Variants in CDH12 observed in about 807,000 individuals in gnomAD.
CDH12 encodes the protein cadherin 12.
In CDH12, 41 loss-of-function variants were observed where a neutral mutation model predicts 74.1. The ratio of observed to expected loss-of-function variants is 0.55; its 90% confidence interval spans 0.43 to 0.72. The LOEUF (loss-of-function observed/expected upper bound fraction) is 0.72, where lower values mean the gene tolerates loss of function less well. CDH12 is among the 30% of genes least tolerant of loss of function. The pLI is 0.00. For missense variants in CDH12, 945 were observed against 977.2 expected, an observed-to-expected ratio of 0.97 and a Z score of 0.44; for synonymous variants, 399 against 355.0, an observed-to-expected ratio of 1.12 and a Z score of -1.39.
intron 1 of CDH12, among the ~76,000 whole-genome samples, chr5:22,565,974 A>G (rs1471222708): frequency 1.3e-5 from 2 of 152,186 alleles, no homozygotes; most frequent in African/African-American, 4.8e-5. Flanking sequence ...CAACCATGGA[A>G]GCCGATTTCT....
intron 1 of CDH12, among the ~76,000 whole-genome samples, chr5:22,610,120 T>C (rs1259686372): frequency 2.0e-5 from 3 of 152,236 alleles, no homozygotes; most frequent in Non-Finnish European, 4.4e-5. Context: ...CAAACCTGTT[T>C]TGTTCAATGG....
intron 6 of CDH12, among the ~76,000 whole-genome samples, chr5:21,942,164 A>G (rs756331518): frequency 1.3e-5 from 2 of 152,024 alleles, no homozygotes; most frequent in Non-Finnish European, 2.9e-5. Flanking sequence ...AGTTGGAGAA[A>G]GGGGTTATAG....
At chr5:22,829,698 C>T (rs147673421) in intron 1 of CDH12, among the ~76,000 whole-genome samples, 45 of 152,250 alleles carry the variant, frequency 3.0e-4, no homozygotes, top group African/African-American at 9.9e-4. Context: ...ATACTTCTAC[C>T]CCAAGTAGTC....
chr5:22,722,453 A>G (rs1363538412), intron 1 of CDH12, among the ~76,000 whole-genome samples: 1 of 152,230 alleles, frequency 6.6e-6, no homozygotes, highest in African/African-American at 2.4e-5. Context: ...TAAGTTATAC[A>G]GTTAAAATTC....
At chr5:22,724,979 A>T (rs1744089004) in intron 1 of CDH12, among the ~76,000 whole-genome samples, 2 of 151,898 alleles carry the variant, frequency 1.3e-5, no homozygotes, top group South Asian at 4.1e-4. Flanking sequence ...CGTTTCCAGT[A>T]ATAGGAAATA....
intron 1 of CDH12, among the ~76,000 whole-genome samples, chr5:22,782,349 G>T (rs532826099): frequency 1.3e-5 from 2 of 152,100 alleles, no homozygotes; most frequent in Non-Finnish European, 2.9e-5. Context: ...GGATCATGGG[G>T]GTGGTTTCCC....
At chr5:22,759,674 A>AT (rs1746107148) in intron 1 of CDH12, among the ~76,000 whole-genome samples, 1 of 152,132 alleles carries the variant, frequency 6.6e-6, no homozygotes, top group African/African-American at 2.4e-5. Context: ...ATATCGGTCT[A>AT]TTTTTTCTCC....
chr5:22,038,502 A>C (rs1739338023), intron 5 of CDH12, among the ~76,000 whole-genome samples: 1 of 152,146 alleles, frequency 6.6e-6, no homozygotes, highest in Non-Finnish European at 1.5e-5. Flanking sequence ...AAACGGTGCC[A>C]TGGTGGAGCT....
At position 21,980,150 on chromosome 5, in the gene CDH12, A is replaced by T. The variant is rs1388004819; in HGVS notation, c.232-4765T>A. Among the ~76,000 whole-genome samples, 30 of 82,482 alleles carry T rather than the reference A, an allele frequency of 3.6e-4. No individual in the cohort carries two copies. The South Asian group carries it at 8.7e-3, about 24-fold the overall frequency. 54.1% of individuals were successfully genotyped at this position (82,482 alleles called of 152,430 possible). On this transcript the variant is annotated intron_variant, in intron 5 of 14. Transcript: ENST00000382254. ...GTACCCTAAAACTTAAAGTATAATAAAAAAAAAAAACATACATACATATAT... is the reference window on the plus strand; with the variant it reads ...GTACCCTAAAACTTAAAGTATAATATAAAAAAAAAACATACATACATATAT...
At chr5:22,553,474 T>C (rs762957867) in intron 1 of CDH12, among the ~76,000 whole-genome samples, 7 of 152,086 alleles carry the variant, frequency 4.6e-5, no homozygotes, top group Non-Finnish European at 7.4e-5. Flanking sequence ...CAGTCTAGCA[T>C]ATAAAGAGTA....
chr5:22,494,413 C>T (rs1264568190), intron 2 of CDH12, among the ~76,000 whole-genome samples: 1 of 152,216 alleles, frequency 6.6e-6, no homozygotes, highest in Non-Finnish European at 1.5e-5. Flanking sequence ...TGCGGGCAGG[C>T]TCCGGCTATC....
At chr5:22,721,151 C>T (rs1006134971) in intron 1 of CDH12, among the ~76,000 whole-genome samples, 14 of 152,180 alleles carry the variant, frequency 9.2e-5, no homozygotes, top group African/African-American at 2.2e-4. Flanking sequence ...TTCATGAGCC[C>T]GGCCCAGGGC....
chr5:21,854,474 G>T (rs958581963), intron 7 of CDH12, among the ~76,000 whole-genome samples, 197 bp downstream of exon 7: 1 of 151,626 alleles, frequency 6.6e-6, no homozygotes, highest in Non-Finnish European at 1.5e-5. Flanking sequence ...TATGTTAAAA[G>T]GTTTATTTTA....
intron 6 of CDH12, among the ~76,000 whole-genome samples, chr5:21,944,063 G>C (rs995319312): frequency 4.6e-5 from 7 of 152,054 alleles, no homozygotes; most frequent in African/African-American, 1.7e-4. Context: ...CACAATCTCA[G>C]AATCAGATTG....
intron 1 of CDH12, among the ~76,000 whole-genome samples, chr5:22,649,370 T>C (rs1739610291): frequency 6.6e-6 from 1 of 152,040 alleles, no homozygotes; most frequent in Non-Finnish European, 1.5e-5. Context: ...AGATGAATGC[T>C]TTCCTTTCCA....
intron 1 of CDH12, among the ~76,000 whole-genome samples, chr5:22,550,674 C>A (rs1404227750): frequency 6.6e-6 from 1 of 152,150 alleles, no homozygotes; most frequent in African/African-American, 2.4e-5. Flanking sequence ...TGATCTTATC[C>A]CTGCCCATTA....
intron 10 of CDH12, among the ~76,000 whole-genome samples, chr5:21,792,334 T>C (rs1579710274): frequency 6.6e-6 from 1 of 152,004 alleles, no homozygotes; most frequent in South Asian, 2.1e-4. Context: ...ATTTTTACTT[T>C]CCCCTTACTA....
intron 1 of CDH12, among the ~76,000 whole-genome samples, chr5:22,825,525 A>T (rs1203223052): frequency 1.3e-5 from 2 of 152,140 alleles, no homozygotes; most frequent in Non-Finnish European, 2.9e-5. Flanking sequence ...CTGAATTGGG[A>T]TTTTGTCTGG....
chr5:22,125,275 G>A (rs1419122101), intron 4 of CDH12, among the ~76,000 whole-genome samples: 3 of 151,824 alleles, frequency 2.0e-5, no homozygotes, highest in African/African-American at 4.8e-5. Flanking sequence ...CCCACTCCCC[G>A]ACAGGCCTCG....
Sources: allele counts gnomAD v4.1 joint callset (sites outside exome capture counted in the v4.1 genomes callset), GRCh38; gene constraint gnomAD v4.1.1; transcripts MANE v1.5; gene names NCBI Gene and HGNC (gene_info 2026-07-23, HGNC 2026-07-21).